The following GARNL3 variants were observed in gnomAD, a reference collection of about 807,000 sequenced individuals.
The protein encoded by GARNL3 is GTPase-activating Rap/Ran-GAP domain-like protein 3.
In GARNL3, 63 loss-of-function variants were observed where a neutral mutation model predicts 125.0. That is an observed-to-expected ratio of 0.50 (90% confidence interval 0.41 to 0.62). The LOEUF (loss-of-function observed/expected upper bound fraction) is 0.62. Among genes scored for constraint, GARNL3 ranks in the 20% least tolerant of loss-of-function variants. The probability of loss-of-function intolerance (pLI) is 0.00; values close to 1 mark genes in which losing one functional copy is unlikely to be tolerated. For synonymous variants in GARNL3, 439 were observed against 457.5 expected, an observed-to-expected ratio of 0.96 and a Z score of 0.52; for missense variants, 994 against 1,244.0, an observed-to-expected ratio of 0.80 and a Z score of 3.02.
rs143876015 is a variant in GARNL3 at position 127,283,797 on chromosome 9, G to A, written c.145-7371G>A. Among the ~76,000 whole-genome samples the A allele has an allele frequency of 5.3e-5, 8 of 152,270 alleles. No individual in the cohort carries two copies. The East Asian group carries it at 9.7e-4, about 18-fold the overall frequency. The stretch of plus-strand genomic sequence containing the variant: ...TCCTAGCCAAATGATCACTTAAGTC[G>A]TTTTGTTGTTGTTGTTGTTTGTTTG... On this transcript the variant is annotated intron_variant, in intron 1 of 27. Coordinates refer to ENST00000373387, the MANE Select transcript of GARNL3 (RefSeq NM_032293.5).
chr9:127,263,293 C>T (rs115825317), upstream of GARNL3, among the ~76,000 whole-genome samples: 1,881 of 152,336 alleles, frequency 0.012, 42 homozygotes, highest in African/African-American at 0.044. Flanking sequence ...CAGTGCTCTA[C>T]ATCCTTGCTT....
rs571348374 is a variant in GARNL3, at chr9:127,243,016, G to T, written c.-28-63G>T. The T allele has an allele frequency of 2.5e-5, 32 of 1,267,238 alleles. No individual in the cohort carries two copies. In the South Asian group the frequency reaches 3.9e-4, roughly 15 times the overall value. The allele number at this position is 1,267,238 out of a possible 1,614,324, so 78.5% of individuals were successfully genotyped here. A position where few individuals can be genotyped will look rare whatever the true frequency, so the allele number is the denominator to read the frequency against. On this transcript the variant is annotated intron_variant, in intron 1 of 10. Transcript: ENST00000439286. The stretch of plus-strand genomic sequence containing the variant: ...TGCCTTTGGGAGGAGGGTAAAGCAG[G>T]CCAGGGATTGGCCTGCCGTTCTTCT...
chr9:127,373,595 G>A (rs976240312), intron 22 of GARNL3, among the ~76,000 whole-genome samples: 7 of 152,118 alleles, frequency 4.6e-5, no homozygotes, highest in Non-Finnish European at 7.4e-5. Context: ...TGAGACCCTG[G>A]TCTCTAAAAA....
At chr9:127,261,064 T>A (rs1254836304), upstream of GARNL3, among the ~76,000 whole-genome samples, 1 of 152,116 alleles carries the variant, frequency 6.6e-6, no homozygotes, top group African/African-American at 2.4e-5. Context: ...GAGACCAGCC[T>A]GGCCAACATG....
chr9:127,345,216 C>T (rs1043044389), intron 15 of GARNL3, among the ~76,000 whole-genome samples, 187 bp from the exon 16 acceptor site: 1 of 152,036 alleles, frequency 6.6e-6, no homozygotes, highest in Non-Finnish European at 1.5e-5. Context: ...ATTTGGGTTG[C>T]GACATTGTCA....
At chr9:127,334,782 C>T (rs1829458216) in intron 9 of GARNL3, among the ~76,000 whole-genome samples, 1 of 152,172 alleles carries the variant, frequency 6.6e-6, no homozygotes, top group Non-Finnish European at 1.5e-5. Flanking sequence ...TGTCAAAAGC[C>T]ACATAGCCAA....
At chr9:127,228,417 C>G (rs1479285683) in intron 1 of GARNL3, among the ~76,000 whole-genome samples, 1 of 152,190 alleles carries the variant, frequency 6.6e-6, no homozygotes, top group South Asian at 2.1e-4. Flanking sequence ...TTATAGTCCC[C>G]CAAGGGCATA....
intron 1 of GARNL3, among the ~76,000 whole-genome samples, chr9:127,286,410 T>A (rs1259995554): frequency 6.6e-6 from 1 of 152,238 alleles, no homozygotes; most frequent in Non-Finnish European, 1.5e-5. Context: ...GTGTAGGAGA[T>A]GATTTGTTTA....
At chr9:127,313,771 T>C (rs1010258315) in intron 4 of GARNL3, among the ~76,000 whole-genome samples, 2 of 152,198 alleles carry the variant, frequency 1.3e-5, no homozygotes, top group African/African-American at 4.8e-5. Flanking sequence ...AAAAAACTTA[T>C]TTATTTTATG....
upstream of GARNL3, among the ~76,000 whole-genome samples, chr9:127,261,978 G>A (rs1448601058): frequency 6.6e-6 from 1 of 152,156 alleles, no homozygotes; most frequent in Non-Finnish European, 1.5e-5. Flanking sequence ...ATTGTTTCTA[G>A]CCACTTTCCC....
In GARNL3 at chr9:127,341,112, G is replaced by A. The variant is rs11789817; in HGVS notation, c.1136-1107G>A. Among the ~76,000 whole-genome samples the A allele has an allele frequency of 7.1e-3, 1,079 of 152,262 alleles. 9 individuals carry two copies. The highest frequency in any genetic ancestry group is 0.011 in the Non-Finnish European group (777 of 68,012). ...CTCTCTTCCCAGCTGGACCACCAGC[G>A]TTGTTACCTCCCATACTCCAACCTA... is the stretch of plus-strand genomic sequence containing the variant. On this transcript the variant is annotated intron_variant, in intron 13 of 27. Transcript: ENST00000373387.
Position 127,293,061 on chromosome 9 carries a change from C to T in GARNL3, c.219+1819C>T, listed in dbSNP as rs891013366. Among the ~76,000 whole-genome samples the T allele has an allele frequency of 7.2e-5, 11 of 152,188 alleles. No individual in the cohort carries two copies. The East Asian group carries it at 2.1e-3, about 29-fold the overall frequency. Reference sequence around the variant, plus strand: ...TTTTATTTCCACCGAAACTACTGAGCATGATGCTCCATTGGAGCACCTTGG... The same window carrying T: ...TTTTATTTCCACCGAAACTACTGAGTATGATGCTCCATTGGAGCACCTTGG... On this transcript the variant is annotated intron_variant, in intron 2 of 27. Transcript: ENST00000373387.
chr9:127,386,709 T>A (rs1832560409), intron 24 of GARNL3, among the ~76,000 whole-genome samples: 1 of 152,242 alleles, frequency 6.6e-6, no homozygotes, highest in Non-Finnish European at 1.5e-5. Context: ...AAAATTGGAT[T>A]TCATAGATCA....
rs1220918738 is a variant in GARNL3 at position 127,242,922 on chromosome 9, G to A, written c.-28-157G>A. 6.6e-5 allele frequency among the ~76,000 whole-genome samples: 10 copies of A among 152,088 alleles called. No individual in the cohort carries two copies. Among genetic ancestry groups the A allele is most frequent in the Non-Finnish European group, 1.5e-4 (10 of 68,026 alleles). On this transcript the variant is annotated intron_variant, in intron 1 of 10. Coordinates refer to the GARNL3 transcript ENST00000439286. This position sits in a 1 kb window ranked among gnomAD's most constrained non-coding sequence, Gnocchi z 4.6. ...TCCTTGATGCAGTAAGGTCATATGC[G>A]GTCTTGGTGGGGCCCCTGGGTCTTG...
At chr9:127,228,390 CAG>C (rs1369209003) in intron 1 of GARNL3, among the ~76,000 whole-genome samples, 7 of 152,198 alleles carry the variant, frequency 4.6e-5, no homozygotes, top group African/African-American at 1.7e-4. Context: ...AATTGCTCAC[CAG>C]AGAGTTGCAC....
At chr9:127,338,922 G>A (rs1052234585) in intron 12 of GARNL3, among the ~76,000 whole-genome samples, 1 of 152,186 alleles carries the variant, frequency 6.6e-6, no homozygotes, top group African/African-American at 2.4e-5. Context: ...TATGCAGCTG[G>A]ATAAATGGAA....
chr9:127,335,866 G>A (rs1588881129), intron 10 of GARNL3, among the ~76,000 whole-genome samples: 2 of 152,062 alleles, frequency 1.3e-5, no homozygotes, highest in Admixed American at 6.5e-5. Context: ...TACATGGGAT[G>A]TACCAGGCTG....
Position 127,383,476 on chromosome 9 carries a change from G to A in GARNL3, c.2200G>A (p.Gly734Ser), listed in dbSNP as rs1337486999. The A allele has an allele frequency of 4.3e-6, 7 of 1,613,376 alleles. No individual in the cohort carries two copies. Among genetic ancestry groups the A allele is most frequent in the Non-Finnish European group, 5.9e-6 (7 of 1,179,708 alleles). Residue 734 changes from glycine to serine, a missense_variant, in exon 23 of 28, where the codon GGC becomes AGC. Gly to Ser is a moderately conservative substitution (Grantham distance 56, BLOSUM62 0). Coordinates refer to ENST00000373387, the MANE Select transcript of GARNL3 (RefSeq NM_032293.5). ...TAAAAAGGTTTGCCCCTTTAATGGTGGCTCTTTTTTGGTTCAACCTTCTGC... is the reference window on the plus strand; with the variant it reads ...TAAAAAGGTTTGCCCCTTTAATGGTAGCTCTTTTTTGGTTCAACCTTCTGC... ...IYKKVCPFNG[G>S]SFLVQPSASD...
At chr9:127,302,133 A>G (rs929709681) in intron 2 of GARNL3, among the ~76,000 whole-genome samples, 2 of 151,374 alleles carry the variant, frequency 1.3e-5, no homozygotes, top group Non-Finnish European at 2.9e-5. Flanking sequence ...TAGTAGAGAC[A>G]GGGTTTCCCC....
Sources: gnomAD v4.1 joint callset for allele counts (sites outside exome capture counted in the v4.1 genomes callset) on GRCh38, gnomAD v4.1.1 for gene constraint, Gnocchi (gnomAD v3.1) non-coding constraint, MANE v1.5 for transcripts, NCBI Gene and HGNC (gene_info 2026-07-23, HGNC 2026-07-21) for gene names.